The following CSMD3 variants were observed in gnomAD, a reference collection of about 807,000 sequenced individuals.
CSMD3 encodes the protein CUB and Sushi multiple domains 3.
CSMD3 carries 177 observed loss-of-function variants against 435.2 expected under a neutral mutation model. The observed-to-expected ratio is 0.41, with a 90% CI of 0.36 to 0.46. The LOEUF is 0.46. CSMD3 is among the 20% of genes least tolerant of loss of function. CSMD3 has a pLI of 0.34. For synonymous variants in CSMD3, 1,656 were observed against 1,520.5 expected (o/e 1.09, Z -2.07); for missense variants, 4,265 against 4,504.6 (o/e 0.95, Z 1.52).
At chr8:112,899,619 ATATATATATATATG>A (rs1393749364) in intron 10 of CSMD3, among the ~76,000 whole-genome samples, 6 of 109,332 alleles carry the variant, frequency 5.5e-5, no homozygotes, top group Non-Finnish European at 1.2e-4. Context: ...ATATATATAT[ATATATATATATATG>A]TATATACATA....
At chr8:112,896,122 G>C (rs1481219570) in intron 10 of CSMD3, among the ~76,000 whole-genome samples, 1 of 151,394 alleles carries the variant, frequency 6.6e-6, no homozygotes, top group Non-Finnish European at 1.5e-5. Flanking sequence ...TAATTTCCAA[G>C]GTGAAGTCAT....
At chr8:113,039,572 A>C (rs941585403) in intron 5 of CSMD3, among the ~76,000 whole-genome samples, 2 of 152,152 alleles carry the variant, frequency 1.3e-5, no homozygotes, top group Non-Finnish European at 2.9e-5. Context: ...TATAGTTCTC[A>C]TGGCCTCCAC....
Position 112,582,766 on chromosome 8 carries a change from C to T in CSMD3, c.3885+4300G>A, listed in dbSNP as rs201006245. Among the ~76,000 whole-genome samples, 12 of 151,976 alleles carry T rather than the reference C, an allele frequency of 7.9e-5. No individual in the cohort carries two copies. In the East Asian group the frequency reaches 2.1e-3, roughly 27 times the overall value. On this transcript the variant is annotated intron_variant, in intron 23 of 70. Coordinates refer to ENST00000297405, the MANE Select transcript of CSMD3 (RefSeq NM_198123.2). ...AAGGTGATGGTATTAGGAAGTGAGG[C>T]CTTTGGGAGGCTAACTGGTCATGAG... is the stretch of plus-strand genomic sequence containing the variant.
chr8:113,024,446 A>T (rs1358986273), intron 5 of CSMD3, among the ~76,000 whole-genome samples: 1 of 152,020 alleles, frequency 6.6e-6, no homozygotes. Context: ...CAACCTATTA[A>T]CTTCACCTCT....
chr8:112,249,279 T>C (rs1433263333), intron 63 of CSMD3, among the ~76,000 whole-genome samples: 1 of 152,060 alleles, frequency 6.6e-6, no homozygotes, highest in Non-Finnish European at 1.5e-5. Context: ...TTACATCCAG[T>C]TTTACTCCCC....
chr8:113,337,595 C>T (rs913634402), intron 1 of CSMD3, among the ~76,000 whole-genome samples: 18 of 151,890 alleles, frequency 1.2e-4, no homozygotes, highest in African/African-American at 4.1e-4. Flanking sequence ...AGATCTGACA[C>T]TGAAAGCACA....
chr8:113,399,943 T>G (rs1053591029), intron 1 of CSMD3, among the ~76,000 whole-genome samples: 1 of 114,770 alleles, frequency 8.7e-6, no homozygotes, highest in African/African-American at 3.7e-5. Flanking sequence ...TTACCTCTAT[T>G]CTGTGTATAT....
At chr8:112,790,215 C>A (rs942368516) in intron 13 of CSMD3, among the ~76,000 whole-genome samples, 1 of 151,948 alleles carries the variant, frequency 6.6e-6, no homozygotes, top group African/African-American at 2.4e-5. Context: ...CATTTCATTT[C>A]TCCACTATAC....
intron 32 of CSMD3, among the ~76,000 whole-genome samples, chr8:112,468,655 A>G (rs947219070): frequency 1.3e-5 from 2 of 152,150 alleles, no homozygotes; most frequent in African/African-American, 4.8e-5. Flanking sequence ...TGACACTTAA[A>G]TATAATTCAT....
intron 22 of CSMD3, among the ~76,000 whole-genome samples, chr8:112,627,636 T>C (rs1437236829): frequency 6.6e-6 from 1 of 152,182 alleles, no homozygotes; most frequent in Admixed American, 6.5e-5. Flanking sequence ...GAGAATGAGG[T>C]ATTTTTAGGA....
chr8:113,416,774 A>G (rs2094583457), intron 1 of CSMD3, among the ~76,000 whole-genome samples: 1 of 152,126 alleles, frequency 6.6e-6, no homozygotes, highest in Non-Finnish European at 1.5e-5. Context: ...TATTTTTACT[A>G]AAGACTACTT....
At chr8:112,274,076 G>C (rs761918591) in intron 59 of CSMD3, among the ~76,000 whole-genome samples, 1 of 151,972 alleles carries the variant, frequency 6.6e-6, no homozygotes, top group Admixed American at 6.6e-5. Flanking sequence ...TAAAGGCTAC[G>C]GTGGGATAGT....
chr8:112,361,572 CATATATAT>C (rs4030099), intron 38 of CSMD3, among the ~76,000 whole-genome samples: 1,917 of 106,656 alleles, frequency 0.018, 35 homozygotes, highest in African/African-American at 0.028. Context: ...TATACACATA[CATATATAT>C]ATATATATAT....
intron 4 of CSMD3, among the ~76,000 whole-genome samples, chr8:113,154,911 T>C (rs2091902285): frequency 1.3e-5 from 2 of 151,970 alleles, no homozygotes; most frequent in South Asian, 4.1e-4. Context: ...GAAATATAAA[T>C]TTGTCTATTT....
At chr8:112,470,084 C>T (rs994721441) in intron 32 of CSMD3, among the ~76,000 whole-genome samples, 1 of 152,036 alleles carries the variant, frequency 6.6e-6, no homozygotes, top group Non-Finnish European at 1.5e-5. Context: ...GAAGGTAATA[C>T]GAAGAAGTCA....
chr8:112,542,700 T>C (rs1826791270), intron 27 of CSMD3, among the ~76,000 whole-genome samples: 1 of 151,870 alleles, frequency 6.6e-6, no homozygotes, highest in Admixed American at 6.6e-5. Context: ...TCATGGATTG[T>C]AAATAGAAAA....
intron 3 of CSMD3, among the ~76,000 whole-genome samples, chr8:113,261,965 C>T (rs915896485): frequency 6.6e-6 from 1 of 151,998 alleles, no homozygotes; most frequent in Non-Finnish European, 1.5e-5. Flanking sequence ...ATTATATTTT[C>T]CACTTCACAT....
chr8:112,298,277 T>C lies in CSMD3; in HGVS notation c.8441-2271A>G, dbSNP rs182262255. On this transcript the variant is annotated intron_variant, in intron 53 of 70. Coordinates refer to ENST00000297405, the MANE Select transcript of CSMD3 (RefSeq NM_198123.2). Reference sequence around the variant, plus strand: ...ATGGTATCCAAAGTGATTTTGAAAATTATGAACAAATTTAGAGGATTTACA... The same window carrying C: ...ATGGTATCCAAAGTGATTTTGAAAACTATGAACAAATTTAGAGGATTTACA... 7.5e-3 allele frequency among the ~76,000 whole-genome samples: 1,143 copies of C among 152,090 alleles called. 21 individuals are homozygous for C. The highest frequency in any genetic ancestry group is 0.026 in the African/African-American group (1,069 of 41,528).
At chr8:113,137,865 C>T (rs2091454389) in intron 4 of CSMD3, among the ~76,000 whole-genome samples, 1 of 151,454 alleles carries the variant, frequency 6.6e-6, no homozygotes, top group Admixed American at 6.6e-5. Flanking sequence ...TCACATAACA[C>T]TCAGTTTCTT....
Sources: allele counts gnomAD v4.1 joint callset (sites outside exome capture counted in the v4.1 genomes callset), GRCh38; gene constraint gnomAD v4.1.1; transcripts MANE v1.5; gene names NCBI Gene and HGNC (gene_info 2026-07-23, HGNC 2026-07-21).